CNTN5: variants seen among roughly 807,000 people sequenced by gnomAD.
CNTN5 encodes contactin 5.
Under a neutral mutation model 129.1 loss-of-function variants are expected in CNTN5, and 77 were observed. The observed-to-expected ratio is 0.60, with a 90% CI of 0.50 to 0.72. The LOEUF (loss-of-function observed/expected upper bound fraction) is 0.72, where lower values mean the gene tolerates loss of function less well. Ranked by LOEUF, CNTN5 falls within the 30% of genes least tolerant of loss-of-function variation. The probability of loss-of-function intolerance (pLI) is 0.00; values close to 1 mark genes in which losing one functional copy is unlikely to be tolerated. For missense variants in CNTN5, 1,478 were observed against 1,328.8 expected (o/e 1.11, Z -1.75); for synonymous variants, 509 against 465.6 (o/e 1.09, Z -1.20).
chr11:99,738,651 G>GTGTGTGTGTGTGTGTT (rs1355359385), intron 3 of CNTN5, among the ~76,000 whole-genome samples: 1 of 151,570 alleles, frequency 6.6e-6, no homozygotes, highest in African/African-American at 2.4e-5. Context: ...GTATGTGTGT[G>GTGTGTGTGTGTGTGTT]TAGAACCTGG....
chr11:99,279,773 C>G (rs925067114), intron 1 of CNTN5, among the ~76,000 whole-genome samples: 1 of 151,522 alleles, frequency 6.6e-6, no homozygotes, highest in African/African-American at 2.4e-5. Flanking sequence ...TCAATCTCCA[C>G]GATAATATTG....
At chr11:99,955,066 C>A (rs1201234381) in intron 7 of CNTN5, among the ~76,000 whole-genome samples, 1 of 151,714 alleles carries the variant, frequency 6.6e-6, no homozygotes, top group Non-Finnish European at 1.5e-5. Context: ...GCTTTCTTTT[C>A]TCTGTAACTT....
chr11:99,647,850 G>T (rs1471974463), intron 3 of CNTN5, among the ~76,000 whole-genome samples: 2 of 151,600 alleles, frequency 1.3e-5, no homozygotes, highest in African/African-American at 4.8e-5. Flanking sequence ...TTTGTGTATA[G>T]AAACACTGTT....
intron 2 of CNTN5, among the ~76,000 whole-genome samples, chr11:99,348,293 T>C (rs958816676): frequency 5.1e-4 from 77 of 152,020 alleles, no homozygotes; most frequent in Non-Finnish European, 3.1e-4. Context: ...GAGCCAAGAT[T>C]GTGCCACTTC....
chr11:99,240,200 C>A (rs559235112), intron 1 of CNTN5, among the ~76,000 whole-genome samples: 5,636 of 152,074 alleles, frequency 0.037, 351 homozygotes, highest in African/African-American at 0.13. Flanking sequence ...CCTCTTTTGG[C>A]TTTTGCCTGG....
chr11:99,643,968 C>T (rs1227268234), intron 3 of CNTN5, among the ~76,000 whole-genome samples: 4 of 151,980 alleles, frequency 2.6e-5, no homozygotes, highest in Non-Finnish European at 5.9e-5. Flanking sequence ...AAATACATGT[C>T]CCATGCAAAG....
At chr11:99,694,541 T>C (rs1407897576) in intron 3 of CNTN5, among the ~76,000 whole-genome samples, 2 of 152,126 alleles carry the variant, frequency 1.3e-5, no homozygotes, top group Non-Finnish European at 2.9e-5. Flanking sequence ...TTATTTCACT[T>C]TAAGTTCTGG....
chr11:99,151,833 C>T (rs138025653), intron 1 of CNTN5, among the ~76,000 whole-genome samples: 2,059 of 151,680 alleles, frequency 0.014, 49 homozygotes, highest in African/African-American at 0.047. Context: ...TGTTCTCACT[C>T]ATAAGTGGGA....
chr11:100,245,684 A>C (rs1949826576), intron 16 of CNTN5, among the ~76,000 whole-genome samples: 1 of 152,174 alleles, frequency 6.6e-6, no homozygotes, highest in African/African-American at 2.4e-5. Context: ...ATCTTCTGAA[A>C]TCTACATGTC....
chr11:99,816,244 A>C (rs1010971326), intron 3 of CNTN5, among the ~76,000 whole-genome samples: 2 of 152,090 alleles, frequency 1.3e-5, no homozygotes, highest in African/African-American at 4.8e-5. Context: ...AAAAATGCTA[A>C]TGTTGGTCAA....
At chr11:100,048,068 TTGCAGTGAGTCGAGA>T (rs1487558786) in intron 9 of CNTN5, among the ~76,000 whole-genome samples, 7 of 151,974 alleles carry the variant, frequency 4.6e-5, no homozygotes, top group Non-Finnish European at 1.0e-4. Flanking sequence ...AGGGCGGAGC[TTGCAGTGAGTCGAGA>T]TCGCGCCACT....
chr11:99,923,795 C>G (rs1466727155), intron 7 of CNTN5, among the ~76,000 whole-genome samples: 6 of 151,860 alleles, frequency 4.0e-5, no homozygotes, highest in Non-Finnish European at 2.9e-5. Flanking sequence ...ATCTATCTAT[C>G]TATCTATCTA....
At chr11:99,133,119 G>A (rs1859030700) in intron 1 of CNTN5, among the ~76,000 whole-genome samples, 1 of 152,078 alleles carries the variant, frequency 6.6e-6, no homozygotes, top group African/African-American at 2.4e-5. Flanking sequence ...ACAACGATCT[G>A]ATCTTTGAAA....
chr11:99,160,148 C>T (rs1378014560), intron 1 of CNTN5, among the ~76,000 whole-genome samples: 1 of 152,186 alleles, frequency 6.6e-6, no homozygotes, highest in Admixed American at 6.5e-5. Context: ...TTTCCAGCCA[C>T]TGTTTCATAG....
intron 3 of CNTN5, among the ~76,000 whole-genome samples, chr11:99,655,702 T>C (rs682120): frequency 0.61 from 93,262 of 151,858 alleles, 29,545 homozygotes; most frequent in Admixed American, 0.7. Context: ...ATTCCATTGC[T>C]GCTTTATCCA....
At chr11:100,174,775 C>T (rs992228723) in intron 13 of CNTN5, among the ~76,000 whole-genome samples, 4 of 152,136 alleles carry the variant, frequency 2.6e-5, no homozygotes, top group Non-Finnish European at 5.9e-5. Context: ...GCTTAGCACA[C>T]AAGTCTCTGC....
chr11:99,911,551 C>T (rs1051317754), intron 6 of CNTN5, among the ~76,000 whole-genome samples: 4 of 151,856 alleles, frequency 2.6e-5, no homozygotes, highest in South Asian at 2.1e-4. Flanking sequence ...ATTTAACATA[C>T]GTAAGATACA....
intron 1 of CNTN5, among the ~76,000 whole-genome samples, chr11:99,113,916 G>T (rs939887881): frequency 3.3e-5 from 5 of 152,254 alleles, no homozygotes; most frequent in Admixed American, 1.3e-4. Flanking sequence ...CTAAGTTTTA[G>T]TTTTTACTTT....
chr11:100,177,894 C>G (rs1347912384), intron 13 of CNTN5, among the ~76,000 whole-genome samples: 1 of 152,042 alleles, frequency 6.6e-6, no homozygotes, highest in African/African-American at 2.4e-5. Flanking sequence ...TTTTCTCGTC[C>G]AAGTTCTCTC....
Sources: allele counts gnomAD v4.1 joint callset (sites outside exome capture counted in the v4.1 genomes callset), GRCh38; gene constraint gnomAD v4.1.1; transcripts MANE v1.5; gene names NCBI Gene and HGNC (gene_info 2026-07-23, HGNC 2026-07-21).